GALNT17: variants seen among roughly 807,000 people sequenced by gnomAD.
GALNT17 encodes polypeptide N-acetylgalactosaminyltransferase 17.
In GALNT17, 29 loss-of-function variants were observed where a neutral mutation model predicts 63.7. The ratio of observed to expected loss-of-function variants is 0.46; its 90% CI spans 0.34 to 0.62. The LOEUF (loss-of-function observed/expected upper bound fraction) is 0.62. Among genes scored for constraint, GALNT17 ranks in the 20% least tolerant of loss-of-function variants. The pLI, the probability that GALNT17 is intolerant of heterozygous loss-of-function variation, is 0.01. For missense variants in GALNT17, 603 were observed against 799.6 expected (o/e 0.75, Z 2.97); for synonymous variants, 305 against 318.3 (o/e 0.96, Z 0.45).
chr7:71,313,638 A>C (rs1036598338), intron 1 of GALNT17, among the ~76,000 whole-genome samples: 1 of 152,248 alleles, frequency 6.6e-6, no homozygotes, highest in Non-Finnish European at 1.5e-5. Flanking sequence ...TTTGACCTTA[A>C]AAAATGGTGA....
At chr7:71,669,242 G>A (rs1262970501) in intron 7 of GALNT17, among the ~76,000 whole-genome samples, 1 of 152,066 alleles carries the variant, frequency 6.6e-6, no homozygotes, top group Non-Finnish European at 1.5e-5. Flanking sequence ...CTGGCCGGGT[G>A]CAGTGGCTCA....
chr7:71,569,104 T>TGAGAC (rs1219851928), intron 5 of GALNT17, among the ~76,000 whole-genome samples: 1 of 152,154 alleles, frequency 6.6e-6, no homozygotes, highest in Non-Finnish European at 1.5e-5. Context: ...CCCGAGTAGC[T>TGAGAC]GAGACTAAAG....
intron 5 of GALNT17, among the ~76,000 whole-genome samples, chr7:71,422,718 G>A (rs747204879): frequency 2.6e-5 from 4 of 152,228 alleles, no homozygotes; most frequent in Non-Finnish European, 5.9e-5. Flanking sequence ...TTTGCCATCT[G>A]CAGGGAGCTT....
At chr7:71,490,769 A>G (rs1787992706) in intron 5 of GALNT17, among the ~76,000 whole-genome samples, 1 of 152,112 alleles carries the variant, frequency 6.6e-6, no homozygotes, top group Non-Finnish European at 1.5e-5. Context: ...GCAAGGTGGC[A>G]TGTGCCTGTA....
chr7:71,694,426 C>T (rs1487316738), intron 9 of GALNT17, among the ~76,000 whole-genome samples: 18 of 148,208 alleles, frequency 1.2e-4, no homozygotes, highest in African/African-American at 4.0e-4. Flanking sequence ...TGCACAATCT[C>T]GGCTCACTGC....
At chr7:71,252,875 C>A (rs1184314183) in intron 1 of GALNT17, among the ~76,000 whole-genome samples, 1 of 152,152 alleles carries the variant, frequency 6.6e-6, no homozygotes, top group African/African-American at 2.4e-5. Flanking sequence ...ATATCTTTTA[C>A]CCTAAAGCAG....
At chr7:71,429,617 A>T (rs1376842530) in intron 5 of GALNT17, among the ~76,000 whole-genome samples, 1 of 152,198 alleles carries the variant, frequency 6.6e-6, no homozygotes. Context: ...ATCATAGTTC[A>T]TCATGGCCTC....
chr7:71,519,974 T>G (rs1377655868), intron 5 of GALNT17, among the ~76,000 whole-genome samples: 1 of 152,104 alleles, frequency 6.6e-6, no homozygotes, highest in African/African-American at 2.4e-5. Context: ...GCATGATATA[T>G]AAAAATCATG....
chr7:71,711,891 T>C, intron 10 of GALNT17, 127 bp from the exon 11 acceptor site: 1 of 1,052,592 alleles, frequency 9.5e-7, no homozygotes, highest in Non-Finnish European at 1.4e-6. Flanking sequence ...TCTCTCTTTC[T>C]CTTCTCTTTT....
At chr7:71,439,685 T>TA (rs1392997990) in intron 5 of GALNT17, among the ~76,000 whole-genome samples, 4 of 152,206 alleles carry the variant, frequency 2.6e-5, no homozygotes, top group Non-Finnish European at 4.4e-5. Flanking sequence ...TAAGGATTTT[T>TA]AAAAATGGAG....
chr7:71,638,734 G>A (rs1240911124), intron 6 of GALNT17, among the ~76,000 whole-genome samples: 2 of 152,188 alleles, frequency 1.3e-5, no homozygotes, highest in Non-Finnish European at 2.9e-5. Flanking sequence ...CCAAAGAGTA[G>A]GTGAGGCCTC....
chr7:71,436,820 A>G (rs1197674416), intron 5 of GALNT17, among the ~76,000 whole-genome samples: 1 of 152,224 alleles, frequency 6.6e-6, no homozygotes, highest in East Asian at 1.9e-4. Flanking sequence ...CTAGAGAAAC[A>G]GTGTGAGTTT....
chr7:71,285,517 T>C (rs1790857352), intron 1 of GALNT17, among the ~76,000 whole-genome samples: 1 of 152,234 alleles, frequency 6.6e-6, no homozygotes, highest in African/African-American at 2.4e-5. Context: ...GGTTATGGAC[T>C]GGATGTTAGT....
At chr7:71,562,951 C>G (rs1355273337) in intron 5 of GALNT17, among the ~76,000 whole-genome samples, 2 of 152,058 alleles carry the variant, frequency 1.3e-5, no homozygotes, top group African/African-American at 4.8e-5. Flanking sequence ...CCTTTTTCAC[C>G]TATGAAAAGA....
chr7:71,494,820 C>T (rs777045845), intron 5 of GALNT17, among the ~76,000 whole-genome samples: 4 of 152,168 alleles, frequency 2.6e-5, no homozygotes, highest in Non-Finnish European at 5.9e-5. Context: ...GGCAAATGAG[C>T]AAAGTCACGT....
At chr7:71,289,678 G>A (rs552031232) in intron 1 of GALNT17, among the ~76,000 whole-genome samples, 3 of 152,060 alleles carry the variant, frequency 2.0e-5, no homozygotes, top group Non-Finnish European at 2.9e-5. Context: ...TTGGGAGTTC[G>A]AGACCAGCCT....
At chr7:71,539,362 AAAAAT>A (rs1328934873) in intron 5 of GALNT17, among the ~76,000 whole-genome samples, 5 of 152,182 alleles carry the variant, frequency 3.3e-5, no homozygotes, top group African/African-American at 4.8e-5. Flanking sequence ...TTATTGTTAA[AAAAAT>A]AAAATAAAGG....
At chr7:71,347,529 A>T (rs1792117343) in intron 2 of GALNT17, among the ~76,000 whole-genome samples, 1 of 152,166 alleles carries the variant, frequency 6.6e-6, no homozygotes, top group African/African-American at 2.4e-5. Flanking sequence ...ACATTAAATG[A>T]CAGGATCTTC....
chr7:71,708,406 T>C (rs893048329), intron 9 of GALNT17, among the ~76,000 whole-genome samples: 1 of 150,474 alleles, frequency 6.6e-6, no homozygotes, highest in Non-Finnish European at 1.5e-5. Flanking sequence ...TTCATTATCA[T>C]GAGAACAGCA....
Sources: gnomAD v4.1 joint callset for allele counts (sites outside exome capture counted in the v4.1 genomes callset) on GRCh38, gnomAD v4.1.1 for gene constraint, MANE v1.5 for transcripts, NCBI Gene and HGNC (gene_info 2026-07-23, HGNC 2026-07-21) for gene names.